Variants in SYTL3 observed in about 807,000 individuals in gnomAD.
SYTL3 encodes synaptotagmin-like protein 3.
In SYTL3, 88 loss-of-function variants were observed where a neutral mutation model predicts 82.1. That is an observed-to-expected ratio of 1.07 (90% CI 0.90 to 1.28). SYTL3 has a LOEUF of 1.28. Ranked by LOEUF, SYTL3 falls within the 50% of genes most tolerant of loss-of-function variation. The probability of loss-of-function intolerance (pLI) is 0.00; values close to 1 mark genes in which losing one functional copy is unlikely to be tolerated. For missense variants in SYTL3, 831 were observed against 757.6 expected (o/e 1.10, Z -1.14); for synonymous variants, 311 against 289.4 (o/e 1.07, Z -0.76).
intron 14 of SYTL3, among the ~76,000 whole-genome samples, chr6:158,759,018 G>A (rs1263439578): frequency 7.9e-5 from 12 of 152,138 alleles, no homozygotes; most frequent in Admixed American, 5.2e-4. Context: ...CCTCCGGGAC[G>A]CCCTGAGTTT....
At chr6:158,693,816 TACAGG>T (rs1780219329) in intron 6 of SYTL3, among the ~76,000 whole-genome samples, 1 of 150,314 alleles carries the variant, frequency 6.7e-6, no homozygotes, top group African/African-American at 2.5e-5. Context: ...GTGCTGGGAT[TACAGG>T]TGTGCCACTG....
upstream of SYTL3, among the ~76,000 whole-genome samples, chr6:158,648,267 C>G (rs1487971388): frequency 6.7e-6 from 1 of 149,632 alleles, no homozygotes; most frequent in Non-Finnish European, 1.5e-5. Flanking sequence ...CACTCCAGCC[C>G]GGGTAACAAG....
intron 11 of SYTL3, among the ~76,000 whole-genome samples, chr6:158,727,642 G>C (rs968062969): frequency 6.6e-6 from 1 of 150,836 alleles, no homozygotes. Flanking sequence ...GAGGCCACCC[G>C]CCCACCTCCC....
intron 6 of SYTL3, among the ~76,000 whole-genome samples, chr6:158,690,237 G>A (rs1779718879): frequency 1.3e-5 from 2 of 152,252 alleles, no homozygotes; most frequent in African/African-American, 4.8e-5. Context: ...AAAGGAATAA[G>A]TGAATAAATA....
chr6:158,751,801 A>G, intron 12 of SYTL3, 127 bp from the exon 13 acceptor site: 1 of 670,430 alleles, frequency 1.5e-6, no homozygotes, highest in Non-Finnish European at 2.5e-6. Context: ...CTTTCTATCA[A>G]CCCAAAAATT....
chr6:158,737,616 T>C (rs1349484273), intron 11 of SYTL3, among the ~76,000 whole-genome samples: 1 of 152,182 alleles, frequency 6.6e-6, no homozygotes, highest in African/African-American at 2.4e-5. Flanking sequence ...AGGCTGAGTT[T>C]TGGGTTGCGC....
chr6:158,685,232 T>TA (rs1222401961), intron 6 of SYTL3, among the ~76,000 whole-genome samples: 1 of 150,872 alleles, frequency 6.6e-6, no homozygotes, highest in Admixed American at 6.6e-5. Context: ...TTTTTTTTTT[T>TA]AGATGGAGTC....
intron 11 of SYTL3, among the ~76,000 whole-genome samples, chr6:158,733,983 A>G (rs548513932): frequency 2.9e-3 from 445 of 151,516 alleles, no homozygotes; most frequent in African/African-American, 9.6e-3. Flanking sequence ...CTGTAGTCCC[A>G]GCTACTTGGG....
At chr6:158,677,554 AATG>A (rs967732798) in intron 5 of SYTL3, among the ~76,000 whole-genome samples, 53 of 152,140 alleles carry the variant, frequency 3.5e-4, no homozygotes, top group African/African-American at 1.2e-3. Context: ...ATAAAAAAAA[AATG>A]AGCTGGTTGT....
intron 11 of SYTL3, among the ~76,000 whole-genome samples, chr6:158,735,643 A>G (rs2128496487): frequency 6.6e-6 from 1 of 152,342 alleles, no homozygotes; most frequent in East Asian, 1.9e-4. Context: ...CAAAAAACAA[A>G]AAACCCAGCT....
chr6:158,656,388 C>G (rs1348974199), intron 2 of SYTL3, among the ~76,000 whole-genome samples: 1 of 152,132 alleles, frequency 6.6e-6, no homozygotes, highest in Non-Finnish European at 1.5e-5. Flanking sequence ...CAGTTCAGGA[C>G]CCCTGTGACA....
In SYTL3 at chr6:158,739,055, C is replaced by T. The variant is rs181872300; in HGVS notation, c.856-6425C>T. ...CTGTCTGGCTCCCTGCAAAAGAAGG[C>T]GCCGTCTCTTCCTGCCCTTCTGTAC... is the stretch of plus-strand genomic sequence containing the variant. On this transcript the variant is annotated intron_variant, in intron 11 of 17. Coordinates refer to ENST00000611299, the MANE Select transcript of SYTL3 (RefSeq NM_001242394.2). 5.9e-5 allele frequency among the ~76,000 whole-genome samples: 9 copies of T among 152,330 alleles called. No homozygotes were observed. In the East Asian group the frequency reaches 9.6e-4, roughly 16 times the overall value.
chr6:158,714,493 T>G (rs1172226712), intron 9 of SYTL3, among the ~76,000 whole-genome samples: 1 of 152,252 alleles, frequency 6.6e-6, no homozygotes, highest in African/African-American at 2.4e-5. Flanking sequence ...GTAAATGTAT[T>G]TTCTTCAGTT....
At chr6:158,741,099 G>A (rs185610485) in intron 11 of SYTL3, among the ~76,000 whole-genome samples, 17 of 152,214 alleles carry the variant, frequency 1.1e-4, no homozygotes, top group Admixed American at 4.6e-4. Flanking sequence ...ATGGAGTCTC[G>A]CTCTGTTGCC....
At chr6:158,654,583 C>G (rs923850055) in intron 2 of SYTL3, among the ~76,000 whole-genome samples, 3 of 152,190 alleles carry the variant, frequency 2.0e-5, no homozygotes, top group African/African-American at 7.2e-5. Flanking sequence ...GTAGAAGAAA[C>G]CCTTTTGAGT....
intron 6 of SYTL3, among the ~76,000 whole-genome samples, chr6:158,706,259 C>T (rs150622889): frequency 1.3e-5 from 2 of 152,226 alleles, no homozygotes; most frequent in African/African-American, 4.8e-5. Context: ...CTATGGCCAG[C>T]CTGGCTAAGG....
At chr6:158,677,814 A>G (rs560220130) in intron 5 of SYTL3, among the ~76,000 whole-genome samples, 1 of 152,138 alleles carries the variant, frequency 6.6e-6, no homozygotes, top group Non-Finnish European at 1.5e-5. Flanking sequence ...GCAGTTGGAC[A>G]AACTATCATG....
chr6:158,764,172 C>T (rs917043271), intron 17 of SYTL3, among the ~76,000 whole-genome samples: 1 of 152,374 alleles, frequency 6.6e-6, no homozygotes, highest in Middle Eastern at 3.4e-3. Context: ...GACGGCCCCA[C>T]CCAGCTAGCC....
In SYTL3 at chr6:158,673,963, A is replaced by G. The variant is rs1777702639; in HGVS notation, c.329+8350A>G. The stretch of plus-strand genomic sequence containing the variant: ...GTTGGATGTGGTGGCACATGCCTGT[A>G]ATCCCAGCTACTCCGGAGGCTGAGG... On this transcript the variant is annotated intron_variant, in intron 5 of 17. Transcript: ENST00000611299. Among the ~76,000 whole-genome samples the G allele has an allele frequency of 5.3e-5, 8 of 151,062 alleles. No homozygotes were observed. In the South Asian group the frequency reaches 1.7e-3, roughly 32 times the overall value.
Sources: gnomAD v4.1 joint callset for allele counts (sites outside exome capture counted in the v4.1 genomes callset) on GRCh38, gnomAD v4.1.1 for gene constraint, MANE v1.5 for transcripts, NCBI Gene and HGNC (gene_info 2026-07-23, HGNC 2026-07-21) for gene names.